CDKAL1: variants seen among roughly 807,000 people sequenced by gnomAD.
CDKAL1 encodes the protein threonylcarbamoyladenosine tRNA methylthiotransferase.
CDKAL1 carries 32 observed loss-of-function variants against 68.2 expected under a neutral mutation model. That is an observed-to-expected ratio of 0.47 (90% confidence interval 0.35 to 0.63). The LOEUF is 0.63. Ranked by LOEUF, CDKAL1 falls within the 30% of genes least tolerant of loss-of-function variation. The pLI is 0.00. For synonymous variants in CDKAL1, 234 were observed against 244.3 expected (o/e 0.96, Z 0.39); for missense variants, 606 against 696.7 (o/e 0.87, Z 1.47).
At chr6:20,764,471 G>C (rs553422285) in intron 7 of CDKAL1, among the ~76,000 whole-genome samples, 23 of 152,142 alleles carry the variant, frequency 1.5e-4, no homozygotes, top group Non-Finnish European at 2.9e-4. Context: ...GCACTAGACT[G>C]ACCTAAATTC....
intron 10 of CDKAL1, among the ~76,000 whole-genome samples, chr6:20,996,045 T>C (rs1251761179): frequency 1.3e-5 from 2 of 152,232 alleles, no homozygotes; most frequent in African/African-American, 2.4e-5. Context: ...ACAGCGTTCC[T>C]TAAACCTCAT....
At chr6:21,121,799 G>A (rs1376413020) in intron 13 of CDKAL1, among the ~76,000 whole-genome samples, 1 of 152,212 alleles carries the variant, frequency 6.6e-6, no homozygotes, top group Non-Finnish European at 1.5e-5. Context: ...CACCAAAGCA[G>A]TTCTTGACAT....
At chr6:20,828,366 T>C (rs1462713682) in intron 8 of CDKAL1, among the ~76,000 whole-genome samples, 5 of 151,970 alleles carry the variant, frequency 3.3e-5, no homozygotes, top group African/African-American at 1.2e-4. Context: ...GTAGCTTGGA[T>C]TGCAGACATG....
At chr6:20,623,998 A>AT (rs1281608454) in intron 4 of CDKAL1, among the ~76,000 whole-genome samples, 3 of 152,186 alleles carry the variant, frequency 2.0e-5, no homozygotes, top group Non-Finnish European at 4.4e-5. Flanking sequence ...CTATGGTTAT[A>AT]TTTTTTTAAA....
At chr6:20,567,939 G>C (rs1051595108) in intron 4 of CDKAL1, among the ~76,000 whole-genome samples, 1 of 151,560 alleles carries the variant, frequency 6.6e-6, no homozygotes, top group Non-Finnish European at 1.5e-5. Flanking sequence ...GCAGTGGCGC[G>C]ATCTCGGCTC....
At chr6:21,177,014 A>G (rs1388322080) in intron 13 of CDKAL1, among the ~76,000 whole-genome samples, 1 of 152,154 alleles carries the variant, frequency 6.6e-6, no homozygotes, top group Non-Finnish European at 1.5e-5. Flanking sequence ...GGTTTTTAAA[A>G]AGCAATCCTC....
chr6:20,582,671 T>A (rs1765187030), intron 4 of CDKAL1, among the ~76,000 whole-genome samples: 1 of 152,184 alleles, frequency 6.6e-6, no homozygotes, highest in Admixed American at 6.5e-5. Flanking sequence ...TTATTAAAGA[T>A]CAGTTGGTTT....
chr6:20,812,949 C>T (rs532284497), intron 8 of CDKAL1, among the ~76,000 whole-genome samples: 1 of 152,166 alleles, frequency 6.6e-6, no homozygotes, highest in South Asian at 2.1e-4. Context: ...AGTTTTTGAG[C>T]GGTCCATTTG....
chr6:20,746,246 T>G lies in CDKAL1; in HGVS notation c.468+6631T>G, dbSNP rs144511290. Reference sequence around the variant, plus strand: ...ATTAGTCACTCACTGGTACTACCATTCAGGTGAAATATGCCTTCAGTGTTA... The same window carrying G: ...ATTAGTCACTCACTGGTACTACCATGCAGGTGAAATATGCCTTCAGTGTTA... On this transcript the variant is annotated intron_variant, in intron 6 of 15. Coordinates refer to ENST00000274695, the MANE Select transcript of CDKAL1 (RefSeq NM_017774.3). Among the ~76,000 whole-genome samples, 38 of 152,306 alleles carry G rather than the reference T, an allele frequency of 2.5e-4. No individual in the cohort carries two copies. In the East Asian group the frequency reaches 6.6e-3, roughly 26 times the overall value.
chr6:21,222,678 T>C (rs1779580542), intron 15 of CDKAL1, among the ~76,000 whole-genome samples: 2 of 152,118 alleles, frequency 1.3e-5, no homozygotes, highest in Admixed American at 1.3e-4. Context: ...TCCTGGTATC[T>C]GGTAATAACA....
chr6:20,780,100 A>T (rs1209274038), intron 7 of CDKAL1, among the ~76,000 whole-genome samples: 2 of 125,316 alleles, frequency 1.6e-5, no homozygotes, highest in African/African-American at 3.6e-5. Flanking sequence ...ACCTAACCTT[A>T]AAAAAAAAAA....
At chr6:20,964,098 A>G (rs528297641) in intron 10 of CDKAL1, among the ~76,000 whole-genome samples, 38 of 152,290 alleles carry the variant, frequency 2.5e-4, no homozygotes, top group South Asian at 2.5e-3. Context: ...ACAAATCAAA[A>G]CCACAATGAA....
At chr6:20,881,017 G>A (rs989316366) in intron 9 of CDKAL1, among the ~76,000 whole-genome samples, 2 of 152,158 alleles carry the variant, frequency 1.3e-5, no homozygotes, top group African/African-American at 2.4e-5. Context: ...TAATACATAT[G>A]TGATCTAATA....
At position 21,065,052 on chromosome 6, in the gene CDKAL1, C is replaced by A; in HGVS notation, c.1060C>A (p.Pro354Thr). Reference sequence around the variant, plus strand: ...TTTTGTCTTGTTATTTTCTAGAGTTCCTGGAATAACTATTGCTACAGATAT... The same window carrying A: ...TTTTGTCTTGTTATTTTCTAGAGTTACTGGAATAACTATTGCTACAGATAT... ...RVVDFLKEKV[P>T]GITIATDIIC... The change falls in exon 12 of 16, where the codon CCT becomes ACT. Residue 354 changes from proline (P) to threonine (T), a missense_variant. Physicochemically the swap from Pro to Thr is conservative, Grantham distance 38 (BLOSUM62 -1). Coordinates refer to ENST00000274695, the MANE Select transcript of CDKAL1 (RefSeq NM_017774.3). 1 of 1,535,212 alleles carries A rather than the reference C, an allele frequency of 6.5e-7. No homozygotes were observed. The highest frequency in any genetic ancestry group is 1.3e-5 in the South Asian group (1 of 75,220).
At chr6:21,171,419 A>G (rs1201706703) in intron 13 of CDKAL1, among the ~76,000 whole-genome samples, 3 of 151,910 alleles carry the variant, frequency 2.0e-5, no homozygotes, top group South Asian at 2.1e-4. Flanking sequence ...TCACCATGTT[A>G]GCCAGGCTGG....
intron 4 of CDKAL1, among the ~76,000 whole-genome samples, chr6:20,630,289 A>G (rs1019874898): frequency 6.6e-6 from 1 of 152,008 alleles, no homozygotes; most frequent in Non-Finnish European, 1.5e-5. Flanking sequence ...GGCCTTCCTC[A>G]TCCTGTGTGT....
chr6:20,893,847 C>CTGATGA (rs796543403), intron 9 of CDKAL1, among the ~76,000 whole-genome samples: 6 of 151,976 alleles, frequency 3.9e-5, no homozygotes, highest in Admixed American at 2.0e-4. Context: ...ACTCACGATA[C>CTGATGA]TGATGATGAT....
chr6:21,108,566 A>G (rs756678728), intron 13 of CDKAL1, 103 bp downstream of exon 13: 1 of 672,832 alleles, frequency 1.5e-6, no homozygotes, highest in Non-Finnish European at 2.5e-6. Flanking sequence ...CTTACCAATT[A>G]CATTTATATT....
intron 4 of CDKAL1, among the ~76,000 whole-genome samples, chr6:20,633,663 G>C (rs932182053): frequency 1.9e-4 from 29 of 152,146 alleles, no homozygotes; most frequent in African/African-American, 7.0e-4. Context: ...AGCATATGAG[G>C]GTTCCAGTTC....
Sources: allele counts gnomAD v4.1 joint callset (sites outside exome capture counted in the v4.1 genomes callset), GRCh38; gene constraint gnomAD v4.1.1; transcripts MANE v1.5; gene names NCBI Gene and HGNC (gene_info 2026-07-23, HGNC 2026-07-21).